Variants in OSBPL9 observed in about 807,000 individuals in gnomAD.
OSBPL9 encodes the protein oxysterol-binding protein-related protein 9.
In OSBPL9, 40 loss-of-function variants were observed where a neutral mutation model predicts 106.6. The ratio of observed to expected loss-of-function variants is 0.38; its 90% CI spans 0.29 to 0.49. OSBPL9 has a LOEUF of 0.49. Ranked by LOEUF, OSBPL9 falls within the 20% of genes least tolerant of loss-of-function variation. The probability of loss-of-function intolerance (pLI) is 0.97; values close to 1 mark genes in which losing one functional copy is unlikely to be tolerated. For missense variants in OSBPL9, 609 were observed against 887.2 expected, an observed-to-expected ratio of 0.69 and a Z score of 3.98; for synonymous variants, 269 against 295.4, an observed-to-expected ratio of 0.91 and a Z score of 0.92.
At chr1:51,636,337 CT>C (rs879261964) in intron 1 of OSBPL9, among the ~76,000 whole-genome samples, 420 of 139,000 alleles carry the variant, frequency 3.0e-3, no homozygotes, top group Middle Eastern at 3.6e-3. Context: ...CCACTTCATT[CT>C]TTTTTTTTTT....
At chr1:51,737,106 A>G (rs1665872591) in intron 4 of OSBPL9, among the ~76,000 whole-genome samples, 2 of 151,678 alleles carry the variant, frequency 1.3e-5, no homozygotes, top group Non-Finnish European at 2.9e-5. Flanking sequence ...TATTTATTCC[A>G]GTATAGTGAT....
Position 51,781,163 on chromosome 1 carries a change from G to A in OSBPL9, c.1257-1G>A. 1 of 1,613,762 alleles carries A rather than the reference G, an allele frequency of 6.2e-7. No homozygotes were observed. The highest frequency in any genetic ancestry group is 8.5e-7 in the Non-Finnish European group (1 of 1,179,816). On this transcript the variant is annotated splice_acceptor_variant, in intron 15 of 23. Transcript: ENST00000428468. LOFTEE classifies it high-confidence loss of function. ...TTAAATTTTGTCTTTCTCCCTTGCAGCATTAGTGACCAGAAGGATCCCAAG... is the reference window on the plus strand; with the variant it reads ...TTAAATTTTGTCTTTCTCCCTTGCAACATTAGTGACCAGAAGGATCCCAAG...
intron 3 of OSBPL9, among the ~76,000 whole-genome samples, chr1:51,702,740 T>A (rs538584438): frequency 2.0e-5 from 3 of 152,346 alleles, no homozygotes; most frequent in Admixed American, 6.5e-5. Flanking sequence ...CTGAATGGTA[T>A]TGCCTAGGTT....
intron 4 of OSBPL9, among the ~76,000 whole-genome samples, chr1:51,738,738 T>C (rs1181087316): frequency 1.3e-5 from 2 of 152,092 alleles, no homozygotes; most frequent in African/African-American, 4.8e-5. Flanking sequence ...CTTATGCTTA[T>C]AGCCTTTACT....
intron 2 of OSBPL9, among the ~76,000 whole-genome samples, chr1:51,611,311 G>A (rs1643986680): frequency 6.6e-6 from 1 of 150,856 alleles, no homozygotes; most frequent in South Asian, 2.1e-4. Context: ...CCAAATATAA[G>A]CATGATCTTG....
At chr1:51,583,673 CACAG>C (rs1645233280) in intron 1 of OSBPL9, 1 of 152,294 alleles carries the variant, frequency 6.6e-6, no homozygotes, top group Non-Finnish European at 1.5e-5. Flanking sequence ...ATCCATGATT[CACAG>C]ACAGTCTCAA....
At position 51,729,956 on chromosome 1, in the gene OSBPL9, A is replaced by G. The variant is rs1485381199; in HGVS notation, c.319-15580A>G. 1.5e-6 allele frequency: 2 copies of G among 1,314,822 alleles called. No homozygotes were observed. Among genetic ancestry groups the G allele is most frequent in the African/African-American group, 3.0e-5 (2 of 66,358 alleles). The allele number at this position is 1,314,822 out of a possible 1,614,324, so 81.4% of individuals were successfully genotyped here. A position where few individuals can be genotyped will look rare whatever the true frequency, so the allele number is the denominator to read the frequency against. ...CCGGCTACCTCCCCTGGAGGCACAG[A>G]GGGCGGGGGCCTTGGCGAATGGCTT... On this transcript the variant is annotated intron_variant, in intron 4 of 23. Coordinates refer to ENST00000428468, the MANE Select transcript of OSBPL9 (RefSeq NM_024586.6). The surrounding 1 kb of genome is among the most constrained non-coding windows in gnomAD (Gnocchi z 5.1).
the OSBPL9 span, chr1:51,519,322 C>A: frequency 6.8e-6 from 1 of 147,330 alleles, no homozygotes; most frequent in Non-Finnish European, 1.6e-5. Context: ...GCAGGCGAGG[C>A]CGGGGCGGGC....
chr1:51,555,464 T>C, the OSBPL9 span, among the ~76,000 whole-genome samples: 1 of 151,836 alleles, frequency 6.6e-6, no homozygotes. Context: ...CACTCCAGCC[T>C]GGGCAACAAA....
chr1:51,597,576 G>A (rs773950652), intron 1 of OSBPL9, among the ~76,000 whole-genome samples: 103 of 151,760 alleles, frequency 6.8e-4, no homozygotes, highest in Non-Finnish European at 1.0e-3. Context: ...AAATTTGGAG[G>A]TATATAAGTG....
intron 1 of OSBPL9, among the ~76,000 whole-genome samples, chr1:51,578,948 A>G (rs1645202965): frequency 6.6e-6 from 1 of 152,164 alleles, no homozygotes; most frequent in Non-Finnish European, 1.5e-5. Context: ...CCTGAATGTC[A>G]CATGAACTTA....
intron 15 of OSBPL9, among the ~76,000 whole-genome samples, chr1:51,780,831 A>G (rs1416415773): frequency 6.6e-6 from 1 of 152,216 alleles, no homozygotes; most frequent in East Asian, 1.9e-4. Context: ...TGTGAAGGAT[A>G]AAAGACTACA....
chr1:51,699,341 C>T (rs1378050730), intron 3 of OSBPL9, among the ~76,000 whole-genome samples: 1 of 151,988 alleles, frequency 6.6e-6, no homozygotes, highest in Non-Finnish European at 1.5e-5. Flanking sequence ...TCCTTCTCCA[C>T]ATACCCCCAC....
At chr1:51,608,470 T>C (rs915494486) in intron 2 of OSBPL9, among the ~76,000 whole-genome samples, 1 of 151,556 alleles carries the variant, frequency 6.6e-6, no homozygotes, top group African/African-American at 2.4e-5. Flanking sequence ...TTTTTTTTTT[T>C]TTTATTTTTA....
At chr1:51,752,169 C>T (rs954974671) in intron 8 of OSBPL9, among the ~76,000 whole-genome samples, 6 of 152,090 alleles carry the variant, frequency 3.9e-5, no homozygotes, top group Non-Finnish European at 8.8e-5. Flanking sequence ...GTCTCCTACC[C>T]TTGCTTGGTC....
At chr1:51,708,482 C>T (rs1571224535) in intron 3 of OSBPL9, among the ~76,000 whole-genome samples, 1 of 152,196 alleles carries the variant, frequency 6.6e-6, no homozygotes, top group South Asian at 2.1e-4. Flanking sequence ...ATTCATCAGA[C>T]TGTTTAAATC....
At chr1:51,557,583 C>A in the OSBPL9 span, among the ~76,000 whole-genome samples, 1 of 152,124 alleles carries the variant, frequency 6.6e-6, no homozygotes, top group Non-Finnish European at 1.5e-5. Context: ...GAACTGTGTT[C>A]GACTAAAGCC....
chr1:51,624,741 T>C (rs61782130), intron 1 of OSBPL9, among the ~76,000 whole-genome samples: 6,259 of 152,316 alleles, frequency 0.041, 172 homozygotes, highest in Non-Finnish European at 0.062. Flanking sequence ...ACAGTCTTGA[T>C]TTTTCCCTTT....
At chr1:51,750,067 T>A (rs1668921662) in intron 7 of OSBPL9, 78 bp from the exon 8 acceptor site, 4 of 1,063,368 alleles carry the variant, frequency 3.8e-6, no homozygotes, top group African/African-American at 3.2e-5. Context: ...TCTGAACTGA[T>A]TTTTATATTT....
Sources: allele counts gnomAD v4.1 joint callset (sites outside exome capture counted in the v4.1 genomes callset), GRCh38; gene constraint gnomAD v4.1.1; non-coding constraint Gnocchi (gnomAD v3.1); transcripts MANE v1.5; gene names NCBI Gene and HGNC (gene_info 2026-07-23, HGNC 2026-07-21).